FAM184B: variants seen among roughly 807,000 people sequenced by gnomAD.
FAM184B encodes protein FAM184B.
In FAM184B, 111 loss-of-function variants were observed where a neutral mutation model predicts 135.9. That is an observed-to-expected ratio of 0.82 (90% CI 0.70 to 0.96). The LOEUF is 0.96. FAM184B is among the 40% of genes least tolerant of loss of function. FAM184B has a pLI of 0.00. For synonymous variants in FAM184B, 552 were observed against 524.8 expected (o/e 1.05, Z -0.71); for missense variants, 1,375 against 1,323.9 (o/e 1.04, Z -0.60).
chr4:17,673,899 C>T (rs1716251175), intron 7 of FAM184B, among the ~76,000 whole-genome samples: 1 of 151,936 alleles, frequency 6.6e-6, no homozygotes, highest in South Asian at 2.1e-4. Context: ...CACCTGTTCA[C>T]CAATAACCTA....
At position 17,630,644 on chromosome 4, in the gene FAM184B, G is replaced by T. The variant is rs566133834; in HGVS notation, c.*1888C>A. The stretch of plus-strand genomic sequence containing the variant: ...GCGGGAAACTCACAAAAAATATTTG[G>T]TAGTGAAAAACAGTATGGTGTGTTA... On this transcript the variant is annotated 3_prime_UTR_variant, in exon 18 of 18. Transcript: ENST00000265018. 6.6e-6 allele frequency: 1 copy of T among 152,308 alleles called. No individual in the cohort carries two copies. Among genetic ancestry groups the T allele is most frequent in the South Asian group, 2.1e-4 (1 of 4,828 alleles). 9.4% of individuals were successfully genotyped at this position (152,308 alleles called of 1,614,324 possible).
intron 3 of FAM184B, 24 bp from the exon 4 acceptor site, chr4:17,705,915 A>T: frequency 6.4e-7 from 1 of 1,551,860 alleles, no homozygotes; most frequent in Non-Finnish European, 8.7e-7. Context: ...TTTCAGCATT[A>T]TTTGGAATGC....
intron 1 of FAM184B, among the ~76,000 whole-genome samples, chr4:17,754,019 C>T (rs1718364716): frequency 6.6e-6 from 1 of 151,956 alleles, no homozygotes; most frequent in South Asian, 2.1e-4. Flanking sequence ...GGCTCCTACA[C>T]AAGATATAAA....
chr4:17,713,306 C>G lies in FAM184B; in HGVS notation c.142-3662G>C, dbSNP rs60738006. On this transcript the variant is annotated intron_variant, in intron 1 of 17. Transcript: ENST00000265018. ...ACTACCTTGAGGACCATGAATCCAA[C>G]ACTCTGTCATGGACAGGAGAAGGAA... 2.9e-3 allele frequency among the ~76,000 whole-genome samples: 438 copies of G among 152,360 alleles called. 1 individual carries two copies. The highest frequency in any genetic ancestry group is 9.7e-3 in the African/African-American group (402 of 41,584).
At position 17,684,363 on chromosome 4, in the gene FAM184B, T is replaced by C. The variant is rs550465380; in HGVS notation, c.1596+4061A>G. Among the ~76,000 whole-genome samples, 4 of 152,106 alleles carry C rather than the reference T, an allele frequency of 2.6e-5. No individual in the cohort carries two copies. The South Asian group carries it at 8.3e-4, about 32-fold the overall frequency. On this transcript the variant is annotated intron_variant, in intron 7 of 17. Transcript: ENST00000265018. Reference sequence around the variant, plus strand: ...ACACAACAAGTAGTTTTTCCTGGGATAGGGAACTCAGCAGGAAGAAGGAAG... The same window carrying C: ...ACACAACAAGTAGTTTTTCCTGGGACAGGGAACTCAGCAGGAAGAAGGAAG...
chr4:17,774,375 A>G (rs1032359901), intron 1 of FAM184B, among the ~76,000 whole-genome samples: 28 of 130,184 alleles, frequency 2.2e-4, no homozygotes, highest in South Asian at 2.1e-4. Flanking sequence ...CTCAAAGACA[A>G]ACAAACAAAC....
intron 1 of FAM184B, among the ~76,000 whole-genome samples, chr4:17,732,098 C>T (rs1315397016): frequency 2.0e-5 from 3 of 152,026 alleles, no homozygotes; most frequent in African/African-American, 2.4e-5. Context: ...GGGTACATAA[C>T]GAAATGAAGG....
At chr4:17,732,909 T>C (rs1022749714) in intron 1 of FAM184B, among the ~76,000 whole-genome samples, 29 of 152,226 alleles carry the variant, frequency 1.9e-4, no homozygotes, top group Admixed American at 1.3e-4. Context: ...ACCAATATCC[T>C]TGATGAACAT....
chr4:17,659,722 G>A (rs572744600), intron 9 of FAM184B, among the ~76,000 whole-genome samples: 1 of 152,162 alleles, frequency 6.6e-6, no homozygotes, highest in African/African-American at 2.4e-5. Context: ...CTGACCTCAA[G>A]TGATCTGCCC....
chr4:17,740,826 T>C (rs560130632), intron 1 of FAM184B, among the ~76,000 whole-genome samples: 9 of 152,234 alleles, frequency 5.9e-5, no homozygotes, highest in Non-Finnish European at 1.2e-4. Flanking sequence ...GTGGTGTCTT[T>C]CTTTTTCCAT....
intron 1 of FAM184B, among the ~76,000 whole-genome samples, chr4:17,731,261 T>C (rs1717768542): frequency 6.6e-6 from 1 of 151,998 alleles, no homozygotes; most frequent in Non-Finnish European, 1.5e-5. Context: ...GGAAGAAAAC[T>C]GCATCAACTA....
intron 7 of FAM184B, among the ~76,000 whole-genome samples, chr4:17,675,448 A>T (rs1329646499): frequency 6.6e-6 from 1 of 152,162 alleles, no homozygotes; most frequent in Non-Finnish European, 1.5e-5. Context: ...AGTAGAGTAG[A>T]CTTCACACAA....
intron 5 of FAM184B, among the ~76,000 whole-genome samples, chr4:17,696,855 A>C (rs1384434447): frequency 2.6e-5 from 4 of 151,704 alleles, no homozygotes; most frequent in Non-Finnish European, 4.4e-5. Flanking sequence ...TAAATAAATA[A>C]ATAGTAAAAG....
intron 7 of FAM184B, among the ~76,000 whole-genome samples, chr4:17,666,955 G>GT (rs1716071070): frequency 6.7e-6 from 1 of 150,290 alleles, no homozygotes; most frequent in African/African-American, 2.5e-5. Flanking sequence ...TTGTTTTTTT[G>GT]TTTTTTTGTT....
At chr4:17,727,744 C>T (rs1385361930) in intron 1 of FAM184B, among the ~76,000 whole-genome samples, 1 of 152,150 alleles carries the variant, frequency 6.6e-6, no homozygotes, top group Non-Finnish European at 1.5e-5. Flanking sequence ...CCACTTCCCA[C>T]CAAGTCCTTC....
At chr4:17,720,378 A>G (rs899524126) in intron 1 of FAM184B, among the ~76,000 whole-genome samples, 5 of 152,300 alleles carry the variant, frequency 3.3e-5, no homozygotes, top group African/African-American at 1.2e-4. Context: ...TAGAATCAAC[A>G]AATAAGCACA....
intron 1 of FAM184B, among the ~76,000 whole-genome samples, chr4:17,720,700 A>T (rs1010908990): frequency 1.3e-5 from 2 of 151,868 alleles, no homozygotes; most frequent in African/African-American, 4.8e-5. Context: ...ATCCTGGCCA[A>T]CATGGTGAAA....
intron 1 of FAM184B, among the ~76,000 whole-genome samples, chr4:17,766,101 G>C (rs1458070368): frequency 6.6e-6 from 1 of 152,206 alleles, no homozygotes; most frequent in African/African-American, 2.4e-5. Context: ...TTATTACAAA[G>C]AGCAAGATTG....
chr4:17,763,975 AT>A (rs1467869223), intron 1 of FAM184B, among the ~76,000 whole-genome samples: 1 of 152,144 alleles, frequency 6.6e-6, no homozygotes, highest in Non-Finnish European at 1.5e-5. Flanking sequence ...AAATGTGAAG[AT>A]ATCACTTTTC....
Sources: allele counts gnomAD v4.1 joint callset (sites outside exome capture counted in the v4.1 genomes callset), GRCh38; gene constraint gnomAD v4.1.1; transcripts MANE v1.5; gene names NCBI Gene and HGNC (gene_info 2026-07-23, HGNC 2026-07-21).